PCDH15: variants seen among roughly 807,000 people sequenced by gnomAD.
PCDH15 encodes the protein protocadherin related 15.
In PCDH15, 129 loss-of-function variants were observed where a neutral mutation model predicts 178.5. That is an observed-to-expected ratio of 0.72 (90% confidence interval 0.63 to 0.84). PCDH15 has a LOEUF of 0.84. PCDH15 is among the 40% of genes least tolerant of loss of function. The pLI, the probability that PCDH15 is intolerant of heterozygous loss-of-function variation, is 0.00. For missense variants in PCDH15, 2,230 were observed against 2,099.9 expected, an observed-to-expected ratio of 1.06 and a Z score of -1.21; for synonymous variants, 800 against 732.0, an observed-to-expected ratio of 1.09 and a Z score of -1.50.
chr10:54,891,650 T>C (rs1459471024), intron 3 of PCDH15, among the ~76,000 whole-genome samples: 1 of 152,120 alleles, frequency 6.6e-6, no homozygotes, highest in Non-Finnish European at 1.5e-5. Context: ...AACTTTGTAG[T>C]TTATTATTGT....
At chr10:55,070,472 G>A (rs1338253195) in intron 2 of PCDH15, among the ~76,000 whole-genome samples, 1 of 152,112 alleles carries the variant, frequency 6.6e-6, no homozygotes, top group Non-Finnish European at 1.5e-5. Flanking sequence ...GTAAGGAAGG[G>A]ATCCAGTTTC....
intron 2 of PCDH15, among the ~76,000 whole-genome samples, chr10:54,560,109 C>T (rs1423121954): frequency 6.6e-6 from 1 of 151,984 alleles, no homozygotes; most frequent in African/African-American, 2.4e-5. Context: ...TAGGCTGATT[C>T]ATCATGTGAA....
chr10:55,368,249 G>C (rs1035523419), intron 2 of PCDH15, among the ~76,000 whole-genome samples: 1 of 152,056 alleles, frequency 6.6e-6, no homozygotes, highest in Non-Finnish European at 1.5e-5. Context: ...CCAATTTTCA[G>C]TGTACACATA....
intron 3 of PCDH15, among the ~76,000 whole-genome samples, chr10:54,847,794 T>C (rs1003662055): frequency 1.3e-5 from 2 of 152,226 alleles, no homozygotes; most frequent in Non-Finnish European, 2.9e-5. Context: ...CCTCATTAAA[T>C]TCACTAGTAT....
chr10:54,786,007 C>A (rs1278519497), intron 1 of PCDH15, among the ~76,000 whole-genome samples: 1 of 151,820 alleles, frequency 6.6e-6, no homozygotes, highest in Non-Finnish European at 1.5e-5. Flanking sequence ...TTTTTTCATT[C>A]AATAAATGTA....
At chr10:55,094,478 A>C (rs4370839) in intron 2 of PCDH15, among the ~76,000 whole-genome samples, 1 of 151,730 alleles carries the variant, frequency 6.6e-6, no homozygotes, top group Non-Finnish European at 1.5e-5. Context: ...CCAACATGGC[A>C]CATGTACATA....
chr10:55,559,834 A>C (rs1042551543), intron 2 of PCDH15, among the ~76,000 whole-genome samples: 3 of 151,884 alleles, frequency 2.0e-5, no homozygotes, highest in Non-Finnish European at 2.9e-5. Context: ...ATAAAGAAAA[A>C]TGTTTTTCAA....
intron 8 of PCDH15, among the ~76,000 whole-genome samples, chr10:54,251,209 C>A (rs921717741): frequency 6.6e-6 from 1 of 152,110 alleles, no homozygotes; most frequent in Non-Finnish European, 1.5e-5. Context: ...TCTTCTTTAA[C>A]CATCTGGTAG....
chr10:54,197,706 A>G (rs1044232902), intron 10 of PCDH15, among the ~76,000 whole-genome samples: 13 of 152,148 alleles, frequency 8.5e-5, no homozygotes, highest in African/African-American at 2.9e-4. Flanking sequence ...TAACATTTTC[A>G]TCTGTTAAAA....
At chr10:54,542,450 G>A (rs574772368) in intron 2 of PCDH15, among the ~76,000 whole-genome samples, 28 of 152,254 alleles carry the variant, frequency 1.8e-4, no homozygotes, top group African/African-American at 6.3e-4. Flanking sequence ...TATGAAAGGT[G>A]AATATCCAAG....
chr10:55,287,010 T>A (rs1842888679), intron 1 of PCDH15, among the ~76,000 whole-genome samples: 1 of 152,030 alleles, frequency 6.6e-6, no homozygotes, highest in Admixed American at 6.6e-5. Context: ...AATAGGGCAT[T>A]CATTTATTTT....
At chr10:54,117,020 G>A (rs531247857) in intron 15 of PCDH15, among the ~76,000 whole-genome samples, 12 of 152,128 alleles carry the variant, frequency 7.9e-5, no homozygotes, top group African/African-American at 1.4e-4. Flanking sequence ...GTGTTGCTTC[G>A]CCAGCTGGAA....
chr10:55,234,425 G>C (rs1250245325), intron 1 of PCDH15, among the ~76,000 whole-genome samples: 1 of 146,064 alleles, frequency 6.8e-6, no homozygotes, highest in East Asian at 2.0e-4. Flanking sequence ...TTTTTTCTTT[G>C]AGACAGGGTC....
Position 55,457,438 on chromosome 10 carries a change from G to A in PCDH15, c.-156+170187C>T, listed in dbSNP as rs534765467. ...TGTGTCCATGTGTGATATGTGTAAAGCAGTTTTTCTTGATGCAAACATGCA... is the reference window on the plus strand; with the variant it reads ...TGTGTCCATGTGTGATATGTGTAAAACAGTTTTTCTTGATGCAAACATGCA... On this transcript the variant is annotated intron_variant, in intron 2 of 5. Coordinates refer to the PCDH15 transcript ENST00000613346. 3.3e-5 allele frequency among the ~76,000 whole-genome samples: 5 copies of A among 152,128 alleles called. No individual in the cohort carries two copies. In the South Asian group the frequency reaches 1.0e-3, roughly 31 times the overall value.
At chr10:54,748,025 T>G (rs1429895006) in intron 1 of PCDH15, among the ~76,000 whole-genome samples, 1 of 152,076 alleles carries the variant, frequency 6.6e-6, no homozygotes, top group Non-Finnish European at 1.5e-5. Context: ...CAGGTTGGTC[T>G]CGATCTCCTG....
intron 1 of PCDH15, among the ~76,000 whole-genome samples, chr10:54,762,616 T>G (rs1948031030): frequency 6.6e-6 from 1 of 152,122 alleles, no homozygotes; most frequent in Non-Finnish European, 1.5e-5. Flanking sequence ...CCCAAAATAT[T>G]TTTTGTTAAA....
At chr10:54,191,175 T>C (rs111587918) in intron 11 of PCDH15, among the ~76,000 whole-genome samples, 1 of 152,306 alleles carries the variant, frequency 6.6e-6, no homozygotes, top group African/African-American at 2.4e-5. Context: ...CTGTGTTAGT[T>C]CTTCAGCATA....
intron 3 of PCDH15, among the ~76,000 whole-genome samples, chr10:54,839,344 C>T (rs181635749): frequency 5.5e-4 from 84 of 151,936 alleles, no homozygotes; most frequent in African/African-American, 1.9e-3. Context: ...AAATAGAAAT[C>T]TTGAATATCT....
chr10:54,729,892 A>AG, intron 1 of PCDH15, among the ~76,000 whole-genome samples: 1 of 151,652 alleles, frequency 6.6e-6, no homozygotes, highest in African/African-American at 2.4e-5. Context: ...TTAAAAAGTC[A>AG]AAAACAAAGA....
Sources: allele counts gnomAD v4.1 joint callset (sites outside exome capture counted in the v4.1 genomes callset), GRCh38; gene constraint gnomAD v4.1.1; transcripts MANE v1.5; gene names NCBI Gene and HGNC (gene_info 2026-07-23, HGNC 2026-07-21).